TMEM255A: variants seen among roughly 807,000 people sequenced by gnomAD.
TMEM255A encodes the protein transmembrane protein 255A.
A neutral mutation model predicts 23.5 loss-of-function variants in TMEM255A; 14 were observed. That is an observed-to-expected ratio of 0.60 (90% CI 0.39 to 0.93). TMEM255A has a LOEUF of 0.93. Ranked by LOEUF, TMEM255A falls within the 40% of genes least tolerant of loss-of-function variation. The pLI is 0.00. For synonymous variants in TMEM255A, 104 were observed against 100.3 expected (o/e 1.04, Z -0.22); for missense variants, 233 against 261.7 (o/e 0.89, Z 0.76).
At chrX:120,282,539 C>G (rs1015120342) in intron 6 of TMEM255A, among the ~76,000 whole-genome samples, 4 of 111,793 alleles carry the variant, frequency 3.6e-5, no homozygotes, top group Non-Finnish European at 5.6e-5. Context: ...AAATATCACT[C>G]CCTTTTCATC....
At position 120,279,389 on chromosome X, in the gene TMEM255A, G is replaced by A. The variant is rs929172447; in HGVS notation, c.513-2342C>T. ...AGCATACATTGTCTCCTATTAGCTG[G>A]CATTGTACTAGGCCCTGGGGACAGG... On this transcript the variant is annotated intron_variant, in intron 6 of 8. Coordinates refer to ENST00000371369, the MANE Select transcript of TMEM255A (RefSeq NM_001104544.3). Among the ~76,000 whole-genome samples the A allele has an allele frequency of 5.3e-5, 6 of 112,199 alleles. No individual in the cohort carries two copies. In the Admixed American group the frequency reaches 5.6e-4, roughly 11 times the overall value.
intron 1 of TMEM255A, among the ~76,000 whole-genome samples, chrX:120,307,861 C>A (rs1194616229): frequency 1.8e-5 from 2 of 112,071 alleles, no homozygotes; most frequent in African/African-American, 6.5e-5. Context: ...AGCCTCCCTG[C>A]AGAACTACTG....
downstream of TMEM255A, chrX:120,255,779 C>G (rs182404987): frequency 2.4e-5 from 4 of 167,450 alleles, no homozygotes; most frequent in Non-Finnish European, 4.9e-5. Flanking sequence ...GTACATCTTA[C>G]AGCTTTCCCC....
downstream of TMEM255A, chrX:120,255,308 A>G (rs782793665): frequency 2.6e-5 from 32 of 1,210,179 alleles, no homozygotes; most frequent in East Asian, 8.3e-4. Context: ...GGACCACTAC[A>G]TCTACTCAGA....
intron 3 of TMEM255A, among the ~76,000 whole-genome samples, chrX:120,291,784 G>C (rs1274662072): frequency 9.2e-6 from 1 of 108,138 alleles, no homozygotes; most frequent in Non-Finnish European, 1.9e-5. Flanking sequence ...GAAAAGCCTG[G>C]TGCTCACCAA....
Position 120,260,161 on chromosome X carries a change from TCA to T in TMEM255A, c.*707_*708del. The T allele has an allele frequency of 1.4e-6, 1 of 740,101 alleles. No homozygotes were observed. Among genetic ancestry groups the T allele is most frequent in the Non-Finnish European group, 1.6e-6 (1 of 625,956 alleles). The allele number at this position is 740,101 out of a possible 1,213,427, so 61.0% of individuals were successfully genotyped here. On this transcript the variant is annotated 3_prime_UTR_variant, in exon 9 of 9. Transcript: ENST00000371369. Reference sequence around the variant, plus strand: ...TCCTAAGTGATCTACTTAAAACATCTCACATGTTGCTGTGTATTTCAGTGTTT... The same window carrying T: ...TCCTAAGTGATCTACTTAAAACATCTCATGTTGCTGTGTATTTCAGTGTTT...
intron 8 of TMEM255A, among the ~76,000 whole-genome samples, chrX:120,265,123 G>C (rs904672423): frequency 9.0e-6 from 1 of 111,540 alleles, no homozygotes; most frequent in Non-Finnish European, 1.9e-5. Context: ...GTGATCGCCC[G>C]CCTTGGCCTC....
intron 6 of TMEM255A, among the ~76,000 whole-genome samples, chrX:120,281,756 G>GA (rs1268070995): frequency 2.7e-5 from 3 of 112,520 alleles, no homozygotes; most frequent in African/African-American, 6.5e-5. Flanking sequence ...GTTACGGGCT[G>GA]AAAACCAGTG....
At chrX:120,254,799 G>A, downstream of TMEM255A, 1 of 1,211,876 alleles carries the variant, frequency 8.3e-7, no homozygotes, top group South Asian at 1.8e-5. Context: ...ACTTGAGAAT[G>A]AAATACCAAA....
Position 120,304,401 on chromosome X carries a change from G to C in TMEM255A, c.149C>G (p.Ala50Gly), listed in dbSNP as rs1556026594. Reference sequence around the variant, plus strand: ...AGTCACATTCTGGGTCCTGGTGGTTGCAGCAAGGCCCACTGTGAGAATTAA... The same window carrying C: ...AGTCACATTCTGGGTCCTGGTGGTTCCAGCAAGGCCCACTGTGAGAATTAA... ...SVLILTVGLA[A>G]TTRTQNVTVG... Residue 50 changes from alanine (A) to glycine (G), a missense_variant, in exon 2 of 9, where the codon GCA (alanine) becomes GGA (glycine). Transcript: ENST00000371369. 2.5e-6 allele frequency: 3 copies of C among 1,210,716 alleles called. No homozygotes were observed. The highest frequency in any genetic ancestry group is 2.2e-5 in the Admixed American group (1 of 46,021).
At chrX:120,309,278 T>C (rs1556027732) in intron 1 of TMEM255A, among the ~76,000 whole-genome samples, 1 of 113,401 alleles carries the variant, frequency 8.8e-6, no homozygotes, top group African/African-American at 3.2e-5. Flanking sequence ...TATGATTCCT[T>C]TCCCGCAGTG....
chrX:120,311,313 G>C lies in TMEM255A; in HGVS notation c.-4C>G. On this transcript the variant is annotated 5_prime_UTR_variant, in exon 1 of 9. Transcript: ENST00000371369. ...GCTGAGTCAGGGACTGATGCATGGT[G>C]AAAACTGCCCGGTTGCCCCAGTCCC... 8.5e-7 allele frequency: 1 copy of C among 1,175,468 alleles called. No individual in the cohort carries two copies. The highest frequency in any genetic ancestry group is 1.9e-5 in the South Asian group (1 of 53,085).
chrX:120,275,210 C>T (rs2057787824), intron 7 of TMEM255A, among the ~76,000 whole-genome samples: 1 of 112,146 alleles, frequency 8.9e-6, no homozygotes, highest in Non-Finnish European at 1.9e-5. Context: ...TTTGTTGATG[C>T]TTCCCCTACT....
At position 120,285,968 on chromosome X, in the gene TMEM255A, T is replaced by C. The variant is rs2057872857; in HGVS notation, c.424-753A>G. ...TGCTGCTAAATTTGTCTTGCTTTGT[T>C]ATAGAGAATATTCATAGCAAATGGG... On this transcript the variant is annotated intron_variant, in intron 5 of 8. Coordinates refer to ENST00000371369, the MANE Select transcript of TMEM255A (RefSeq NM_001104544.3). The C allele has an allele frequency of 1.6e-5, 18 of 1,101,939 alleles. No individual in the cohort carries two copies. The South Asian group carries it at 3.5e-4, about 21-fold the overall frequency. 90.8% of individuals were successfully genotyped at this position (1,101,939 alleles called of 1,213,427 possible).
chrX:120,263,275 TG>T lies in TMEM255A; in HGVS notation c.820-2248del, dbSNP rs782319936. ...TGAGAGTGTGACTTTAATAATGCTG[TG>T]GGCAGCTCAGGAGAACAGAACTTTG... On this transcript the variant is annotated intron_variant, in intron 8 of 8. Coordinates refer to ENST00000371369, the MANE Select transcript of TMEM255A (RefSeq NM_001104544.3). Among the ~76,000 whole-genome samples, 6 of 112,061 alleles carry T rather than the reference TG, an allele frequency of 5.4e-5. No individual in the cohort carries two copies. In the East Asian group the frequency reaches 1.7e-3, roughly 31 times the overall value.
intron 4 of TMEM255A, among the ~76,000 whole-genome samples, chrX:120,289,325 G>A (rs1440469490): frequency 8.9e-6 from 1 of 112,085 alleles, no homozygotes; most frequent in Non-Finnish European, 1.9e-5. Flanking sequence ...AGGAGGTACA[G>A]AGGGCCTGGA....
chrX:120,273,716 G>A (rs1469751953), intron 7 of TMEM255A, among the ~76,000 whole-genome samples: 3 of 112,190 alleles, frequency 2.7e-5, no homozygotes, highest in African/African-American at 9.7e-5. Context: ...ACCACAACAA[G>A]ATACCACTTT....
intron 3 of TMEM255A, among the ~76,000 whole-genome samples, chrX:120,291,772 T>C (rs782262452): frequency 1.1e-4 from 12 of 108,266 alleles, no homozygotes; most frequent in African/African-American, 4.1e-4. Flanking sequence ...ATCTAGTCTG[T>C]GGAAAAGCCT....
rs1272274048 is a variant in TMEM255A, at chrX:120,296,683, A to T, written c.202-2632T>A. Among the ~76,000 whole-genome samples, 5 of 62,626 alleles carry T rather than the reference A, an allele frequency of 8.0e-5. No individual in the cohort carries two copies. The East Asian group carries it at 2.3e-3, about 29-fold the overall frequency. 54.4% of individuals were successfully genotyped at this position (62,626 alleles called of 115,157 possible). The stretch of plus-strand genomic sequence containing the variant: ...TTATAATATAATATATATTATATTT[A>T]ATATATATATTAAATATATTTAGGT... On this transcript the variant is annotated intron_variant, in intron 2 of 8. Coordinates refer to ENST00000371369, the MANE Select transcript of TMEM255A (RefSeq NM_001104544.3).
Sources: gnomAD v4.1 joint callset for allele counts (sites outside exome capture counted in the v4.1 genomes callset) on GRCh38, gnomAD v4.1.1 for gene constraint, MANE v1.5 for transcripts, NCBI Gene and HGNC (gene_info 2026-07-23, HGNC 2026-07-21) for gene names.